The following SYT9 variants were observed in gnomAD, a reference collection of about 807,000 sequenced individuals.
The protein encoded by SYT9 is synaptotagmin 9.
Under a neutral mutation model 48.4 loss-of-function variants are expected in SYT9, and 22 were observed. That is an observed-to-expected ratio of 0.45 (90% CI 0.32 to 0.65). The LOEUF (loss-of-function observed/expected upper bound fraction) is 0.65, where lower values mean the gene tolerates loss of function less well. SYT9 is among the 30% of genes least tolerant of loss of function. The pLI is 0.03. For missense variants in SYT9, 577 were observed against 622.0 expected (o/e 0.93, Z 0.77); for synonymous variants, 265 against 245.0 (o/e 1.08, Z -0.76).
chr11:7,285,260 G>C (rs527477528), intron 1 of SYT9, among the ~76,000 whole-genome samples: 32 of 152,310 alleles, frequency 2.1e-4, no homozygotes, highest in African/African-American at 7.5e-4. Flanking sequence ...AGTTCCACAG[G>C]GCTGGGGAGG....
intron 6 of SYT9, chr11:7,444,482 C>T (rs533690550): frequency 3.9e-5 from 6 of 152,148 alleles, no homozygotes; most frequent in South Asian, 4.2e-4. Context: ...GAGATAATTA[C>T]GGAAAGAATT....
chr11:7,388,606 C>T (rs551768412), intron 3 of SYT9, among the ~76,000 whole-genome samples: 1 of 152,132 alleles, frequency 6.6e-6, no homozygotes, highest in Admixed American at 6.5e-5. Flanking sequence ...CTATTTTATG[C>T]ATTTAAAGCT....
chr11:7,404,378 C>T (rs1402884199), intron 3 of SYT9, among the ~76,000 whole-genome samples: 1 of 151,996 alleles, frequency 6.6e-6, no homozygotes, highest in Non-Finnish European at 1.5e-5. Flanking sequence ...TAATCTTTTT[C>T]TCTTTTCCTT....
chr11:7,349,471 A>C (rs545971615), intron 3 of SYT9, among the ~76,000 whole-genome samples: 1 of 152,212 alleles, frequency 6.6e-6, no homozygotes, highest in East Asian at 1.9e-4. Context: ...GCGCAGGCCC[A>C]AATGCACAGA....
intron 2 of SYT9, among the ~76,000 whole-genome samples, chr11:7,303,814 C>T (rs982434706): frequency 1.3e-5 from 2 of 152,172 alleles, no homozygotes; most frequent in Admixed American, 1.3e-4. Context: ...AACCACCCTT[C>T]CCTGCTGCCC....
intron 3 of SYT9, among the ~76,000 whole-genome samples, chr11:7,409,435 A>G (rs1312567893): frequency 6.6e-6 from 1 of 152,094 alleles, no homozygotes. Flanking sequence ...AAATGGTTTT[A>G]GGAGGATTTG....
chr11:7,411,545 T>C (rs1244339308), intron 3 of SYT9, among the ~76,000 whole-genome samples: 2 of 152,330 alleles, frequency 1.3e-5, no homozygotes, highest in East Asian at 3.9e-4. Context: ...TTTGAATATG[T>C]CTCTCTTGCC....
At chr11:7,254,814 G>C (rs1847937237) in intron 1 of SYT9, among the ~76,000 whole-genome samples, 6 of 152,134 alleles carry the variant, frequency 3.9e-5, no homozygotes, top group Admixed American at 3.3e-4. Context: ...ATTTCCTGTG[G>C]ACAGCAAAGT....
intron 3 of SYT9, among the ~76,000 whole-genome samples, chr11:7,393,452 C>T (rs1006316267): frequency 6.6e-6 from 1 of 151,914 alleles, no homozygotes; most frequent in Non-Finnish European, 1.5e-5. Flanking sequence ...GTAATAAAGC[C>T]TACTTGATCA....
At chr11:7,391,558 G>A (rs1392073800) in intron 3 of SYT9, among the ~76,000 whole-genome samples, 1 of 151,592 alleles carries the variant, frequency 6.6e-6, no homozygotes, top group Non-Finnish European at 1.5e-5. Flanking sequence ...TTTTCATTGA[G>A]CATTTTTAAT....
At chr11:7,440,676 G>C (rs144529704) in intron 6 of SYT9, 1 of 152,218 alleles carries the variant, frequency 6.6e-6, no homozygotes, top group East Asian at 1.9e-4. Flanking sequence ...AACTCTGGAA[G>C]ACTGAAGAAT....
At chr11:7,326,496 TTCTC>T (rs1436555607) in intron 3 of SYT9, among the ~76,000 whole-genome samples, 1 of 150,740 alleles carries the variant, frequency 6.6e-6, no homozygotes, top group Non-Finnish European at 1.5e-5. Context: ...TATTTGATTC[TTCTC>T]TCTTTTTTTC....
intron 1 of SYT9, among the ~76,000 whole-genome samples, chr11:7,254,243 CA>C (rs1847924401): frequency 6.6e-6 from 1 of 152,150 alleles, no homozygotes; most frequent in Non-Finnish European, 1.5e-5. Flanking sequence ...AACTAGGACA[CA>C]AGGGTTTTGA....
At chr11:7,303,437 T>G in intron 2 of SYT9, 47 bp downstream of exon 2, 1 of 1,479,564 alleles carries the variant, frequency 6.8e-7, no homozygotes, top group African/African-American at 1.4e-5. Flanking sequence ...GACCACCCCA[T>G]TCCCCTCTCT....
Position 7,418,044 on chromosome 11 carries a change from T to G in SYT9, c.1253T>G (p.Val418Gly). The part of the protein sequence containing the change: ...TSTKRNTLNP[V>G]YNEAIVFDVP... ...ACCAAGAGGAACACCTTGAATCCTG[T>G]TTACAACGAAGCCATAGTCTTTGAT... Residue 418 changes from valine to glycine, a missense_variant, in exon 5 of 7, where the codon GTT becomes GGT. Physicochemically the swap from Val to Gly is moderately radical, Grantham distance 109 (BLOSUM62 -3). Transcript: ENST00000318881. 1 of 1,614,070 alleles carries G rather than the reference T, an allele frequency of 6.2e-7. No individual in the cohort carries two copies. Among genetic ancestry groups the G allele is most frequent in the South Asian group, 1.1e-5 (1 of 91,052 alleles).
At chr11:7,276,935 T>G (rs754517743) in intron 1 of SYT9, among the ~76,000 whole-genome samples, 2 of 150,680 alleles carry the variant, frequency 1.3e-5, no homozygotes, top group Non-Finnish European at 2.9e-5. Context: ...GCGCCTGTAA[T>G]CCCAGCTACT....
chr11:7,423,319 A>T (rs1039295403), intron 6 of SYT9, among the ~76,000 whole-genome samples: 1 of 152,204 alleles, frequency 6.6e-6, no homozygotes, highest in Non-Finnish European at 1.5e-5. Context: ...ACCAGATGAG[A>T]TGAAAAACAG....
intron 1 of SYT9, among the ~76,000 whole-genome samples, chr11:7,267,306 A>T (rs1848202925): frequency 6.6e-6 from 1 of 152,026 alleles, no homozygotes; most frequent in Non-Finnish European, 1.5e-5. Flanking sequence ...ATAAAGAAAA[A>T]TCATGTTCAC....
chr11:7,444,880 C>T (rs1590035734), intron 6 of SYT9, among the ~76,000 whole-genome samples: 1 of 152,200 alleles, frequency 6.6e-6, no homozygotes, highest in East Asian at 1.9e-4. Context: ...CTTGTTTTGC[C>T]AAGGAGCTTC....
Sources: gnomAD v4.1 joint callset for allele counts (sites outside exome capture counted in the v4.1 genomes callset) on GRCh38, gnomAD v4.1.1 for gene constraint, MANE v1.5 for transcripts, NCBI Gene and HGNC (gene_info 2026-07-23, HGNC 2026-07-21) for gene names.